The following BICRAL variants were observed in gnomAD, a reference collection of about 807,000 sequenced individuals.
BICRAL encodes BRD4-interacting chromatin-remodeling complex-associated protein-like.
Under a neutral mutation model 91.8 loss-of-function variants are expected in BICRAL, and 8 were observed. The ratio of observed to expected loss-of-function variants is 0.09; its 90% CI spans 0.05 to 0.16. BICRAL has a LOEUF of 0.16. BICRAL is among the 10% of genes least tolerant of loss of function. The probability of loss-of-function intolerance (pLI) is 1.00; values close to 1 mark genes in which losing one functional copy is unlikely to be tolerated. For synonymous variants in BICRAL, 445 were observed against 491.1 expected (o/e 0.91, Z 1.24); for missense variants, 1,038 against 1,310.9 (o/e 0.79, Z 3.21).
At chr6:42,780,303 A>G (rs1762878611), upstream of BICRAL, among the ~76,000 whole-genome samples, 3 of 152,204 alleles carry the variant, frequency 2.0e-5, no homozygotes, top group Admixed American at 2.0e-4. Flanking sequence ...TTATATATGC[A>G]AGAAAGGTGT....
rs1288120988 is a variant in BICRAL at position 42,867,011 on chromosome 6, G to T, written c.*1565G>T. Reference sequence around the variant, plus strand: ...GCACACTCACTCTCCTTCTTAGTGTGCATACTCTCTCATTTATTCTGTTTA... The same window carrying T: ...GCACACTCACTCTCCTTCTTAGTGTTCATACTCTCTCATTTATTCTGTTTA... On this transcript the variant is annotated 3_prime_UTR_variant, in exon 13 of 13. Transcript: ENST00000314073. The T allele has an allele frequency of 1.7e-5, 6 of 361,396 alleles. No homozygotes were observed. The highest frequency in any genetic ancestry group is 1.3e-4 in the Admixed American group (4 of 29,986). The allele number at this position is 361,396 out of a possible 1,614,324, so 22.4% of individuals were successfully genotyped here. A position where few individuals can be genotyped will look rare whatever the true frequency, so the allele number is the denominator to read the frequency against.
At chr6:42,755,770 AGCGATTCTCCTGCTT>A (rs1212034522) in intron 1 of BICRAL, among the ~76,000 whole-genome samples, 1 of 151,720 alleles carries the variant, frequency 6.6e-6, no homozygotes, top group Non-Finnish European at 1.5e-5. Context: ...CCTGGGTTCA[AGCGATTCTCCTGCTT>A]CAGCATCCCA....
intron 2 of BICRAL, among the ~76,000 whole-genome samples, chr6:42,814,893 A>T (rs2113925044): frequency 6.6e-6 from 1 of 151,978 alleles, no homozygotes; most frequent in East Asian, 1.9e-4. Context: ...CAGTCTTTGA[A>T]ATCCTGTTCT....
At chr6:42,782,931 A>G (rs1339491623) in intron 1 of BICRAL, among the ~76,000 whole-genome samples, 1 of 148,572 alleles carries the variant, frequency 6.7e-6, no homozygotes, top group African/African-American at 2.5e-5. Context: ...TAGGGTGTGA[A>G]TCACATTTTC....
At chr6:42,850,613 C>T (rs1053898653) in intron 6 of BICRAL, among the ~76,000 whole-genome samples, 2 of 151,688 alleles carry the variant, frequency 1.3e-5, no homozygotes, top group Non-Finnish European at 2.9e-5. Flanking sequence ...AGGTAGGGCA[C>T]GGTGGCTCAC....
At chr6:42,857,869 G>A (rs1402649450) in intron 10 of BICRAL, among the ~76,000 whole-genome samples, 1 of 139,482 alleles carries the variant, frequency 7.2e-6, no homozygotes, top group South Asian at 2.2e-4. Flanking sequence ...GAGTGCAGTG[G>A]CACGATCAAC....
chr6:42,829,309 T>C lies in BICRAL; in HGVS notation c.976T>C (p.Tyr326His). 4.3e-6 allele frequency: 7 copies of C among 1,614,190 alleles called. No individual in the cohort carries two copies. The highest frequency in any genetic ancestry group is 1.1e-5 in the South Asian group (1 of 91,086). ...KPIQMGQQNT[Y>H]NVNNLGIQQH... ...TATCCAGATGGGTCAGCAAAATACA[T>C]ACAATGTGAACAATTTGGGAATTCA... is the stretch of plus-strand genomic sequence containing the variant. The change falls in exon 6 of 13, where the codon TAC becomes CAC. Residue 326 changes from tyrosine (Y) to histidine (H), a missense_variant. This residue lies in a region of BICRAL where 532 missense variants were observed against 724.9 expected (regional missense o/e 0.73). Coordinates refer to ENST00000314073, the MANE Select transcript of BICRAL (RefSeq NM_001393499.1).
chr6:42,782,951 G>A (rs985847444), intron 1 of BICRAL, among the ~76,000 whole-genome samples: 1 of 151,290 alleles, frequency 6.6e-6, no homozygotes, highest in Non-Finnish European at 1.5e-5. Flanking sequence ...CTTTCTTCTC[G>A]GCAAAATGGA....
At chr6:42,819,844 T>C (rs1764091684) in intron 2 of BICRAL, among the ~76,000 whole-genome samples, 1 of 152,150 alleles carries the variant, frequency 6.6e-6, no homozygotes, top group Admixed American at 6.6e-5. Flanking sequence ...CTCCTAGAGT[T>C]GTACCTACTG....
chr6:42,796,705 G>C (rs1763420102), intron 1 of BICRAL, among the ~76,000 whole-genome samples: 1 of 152,054 alleles, frequency 6.6e-6, no homozygotes, highest in Admixed American at 6.6e-5. Flanking sequence ...ATGTTTTTTT[G>C]AAGGTATAGC....
intron 10 of BICRAL, among the ~76,000 whole-genome samples, chr6:42,857,802 ATTTTTTTTTTTT>A (rs1161596399): frequency 1.4e-5 from 1 of 73,664 alleles, no homozygotes; most frequent in African/African-American, 7.1e-5. Flanking sequence ...CATACCCTGA[ATTTTTTTTTTTT>A]TTTTTTTTTT....
At chr6:42,846,061 CAA>C (rs386406871) in intron 6 of BICRAL, among the ~76,000 whole-genome samples, 9 of 80,700 alleles carry the variant, frequency 1.1e-4, no homozygotes, top group Admixed American at 4.7e-4. Flanking sequence ...GACTCCATCT[CAA>C]AAAAAAAAAA....
At chr6:42,838,167 A>G (rs895111622) in intron 6 of BICRAL, among the ~76,000 whole-genome samples, 2 of 152,192 alleles carry the variant, frequency 1.3e-5, no homozygotes, top group African/African-American at 2.4e-5. Context: ...AGGACCTTTT[A>G]ATATAATTAT....
At chr6:42,822,551 T>A (rs1764171136) in intron 3 of BICRAL, among the ~76,000 whole-genome samples, 1 of 151,486 alleles carries the variant, frequency 6.6e-6, no homozygotes, top group South Asian at 2.1e-4. Flanking sequence ...GCTCAGCAAG[T>A]AATTATTTAT....
intron 5 of BICRAL, among the ~76,000 whole-genome samples, chr6:42,825,279 A>ATAGATGAGC: frequency 7.5e-6 from 1 of 133,512 alleles, no homozygotes; most frequent in East Asian, 2.2e-4. Flanking sequence ...AAAAAAAAAA[A>ATAGATGAGC]ATTGGCTGGG....
chr6:42,792,604 A>C (rs1763304525), intron 1 of BICRAL, among the ~76,000 whole-genome samples: 1 of 151,922 alleles, frequency 6.6e-6, no homozygotes, highest in Non-Finnish European at 1.5e-5. Context: ...ACTTTTTAGA[A>C]GTGCAAATAA....
rs564676800 is a variant in BICRAL at position 42,822,097 on chromosome 6, A to G, written c.41+34A>G. The G allele has an allele frequency of 3.6e-4, 520 of 1,451,448 alleles. 4 individuals carry two copies. The South Asian group carries it at 5.8e-3, about 16-fold the overall frequency. 89.9% of individuals were successfully genotyped at this position (1,451,448 alleles called of 1,614,324 possible). On this transcript the variant is annotated intron_variant, in intron 3 of 12. Transcript: ENST00000314073. ...CTTATTCCAAAACCTGGGTAAATCA[A>G]ATGTGTGAGGTTTGCTGAACACTAA...
At chr6:42,841,485 C>A (rs933066185) in intron 6 of BICRAL, among the ~76,000 whole-genome samples, 4 of 152,156 alleles carry the variant, frequency 2.6e-5, no homozygotes, top group African/African-American at 7.2e-5. Context: ...CGCTGCCCTG[C>A]CAATCGCTCT....
At chr6:42,840,219 TTTTGTTTGTTTGTTTGTTTGTTTG>T (rs143931324) in intron 6 of BICRAL, among the ~76,000 whole-genome samples, 1 of 150,278 alleles carries the variant, frequency 6.7e-6, no homozygotes, top group Non-Finnish European at 1.5e-5. Context: ...TTTTGTTCTT[TTTTGTTTGTTTGTTTGTTTGTTTG>T]TTTGTTTGTT....
Sources: gnomAD v4.1 joint callset for allele counts (sites outside exome capture counted in the v4.1 genomes callset) on GRCh38, gnomAD v4.1.1 for gene constraint, gnomAD v4.1.1 regional missense constraint, MANE v1.5 for transcripts, NCBI Gene and HGNC (gene_info 2026-07-23, HGNC 2026-07-21) for gene names.